TAFA4: variants seen among roughly 807,000 people sequenced by gnomAD.
TAFA4 encodes the protein chemokine-like protein TAFA-4.
A neutral mutation model predicts 21.1 loss-of-function variants in TAFA4; 20 were observed. The observed-to-expected ratio is 0.95, with a 90% CI of 0.67 to 1.38. TAFA4 has a LOEUF of 1.38. Ranked by LOEUF, TAFA4 falls within the 40% of genes most tolerant of loss-of-function variation. The probability of loss-of-function intolerance (pLI) is 0.00; values close to 1 mark genes in which losing one functional copy is unlikely to be tolerated. For missense variants in TAFA4, 211 were observed against 180.9 expected, an observed-to-expected ratio of 1.17 and a Z score of -0.95; for synonymous variants, 71 against 67.4, an observed-to-expected ratio of 1.05 and a Z score of -0.26.
intron 3 of TAFA4, among the ~76,000 whole-genome samples, chr3:68,812,597 A>G (rs913948972): frequency 7.2e-5 from 11 of 152,208 alleles, no homozygotes; most frequent in Non-Finnish European, 1.2e-4. Context: ...CATAATGGTA[A>G]AGGGATCAAT....
chr3:68,733,991 G>A (rs1326082103), intron 5 of TAFA4, among the ~76,000 whole-genome samples: 2 of 151,864 alleles, frequency 1.3e-5, no homozygotes, highest in African/African-American at 2.4e-5. Context: ...TCTAGTGCAG[G>A]GACTGGAAAA....
At position 68,736,262 on chromosome 3, in the gene TAFA4, GA is replaced by G. The variant is rs546124508; in HGVS notation, c.411+2812del. On this transcript the variant is annotated intron_variant, in intron 5 of 5. Coordinates refer to ENST00000295569, the MANE Select transcript of TAFA4 (RefSeq NM_182522.5). ...GCAGCAAAACCCAGATTTCAATTAA[GA>G]AAAAAAAAAATTAAGGCAGGTCCAC... is the stretch of plus-strand genomic sequence containing the variant. 1.9e-3 allele frequency among the ~76,000 whole-genome samples: 278 copies of G among 144,656 alleles called. 1 individual carries two copies. Among genetic ancestry groups the G allele is most frequent in the Middle Eastern group, 3.6e-3 (1 of 278 alleles). 94.9% of individuals were successfully genotyped at this position (144,656 alleles called of 152,430 possible). A position where few individuals can be genotyped will look rare whatever the true frequency, so the allele number is the denominator to read the frequency against.
chr3:68,819,497 G>T (rs1319091556), intron 3 of TAFA4, among the ~76,000 whole-genome samples: 1 of 151,992 alleles, frequency 6.6e-6, no homozygotes, highest in Admixed American at 6.6e-5. Context: ...TGTCATCTAT[G>T]GCCTCTATTG....
intron 1 of TAFA4, among the ~76,000 whole-genome samples, chr3:68,927,835 T>C (rs1402542278): frequency 6.6e-6 from 1 of 151,824 alleles, no homozygotes; most frequent in Non-Finnish European, 1.5e-5. Flanking sequence ...GAGGTCAAGT[T>C]TGCAGAGAGC....
chr3:68,834,588 C>T (rs1704478283), intron 3 of TAFA4, among the ~76,000 whole-genome samples: 1 of 152,086 alleles, frequency 6.6e-6, no homozygotes, highest in African/African-American at 2.4e-5. Flanking sequence ...TGCATTTCAA[C>T]CCAACATATC....
At chr3:68,743,946 T>C (rs1575592054) in intron 4 of TAFA4, among the ~76,000 whole-genome samples, 1 of 152,208 alleles carries the variant, frequency 6.6e-6, no homozygotes, top group Non-Finnish European at 1.5e-5. Flanking sequence ...ATACCACAGA[T>C]TGGTTCCAAG....
chr3:68,866,725 C>T (rs574069657), intron 3 of TAFA4, among the ~76,000 whole-genome samples: 1 of 71,640 alleles, frequency 1.4e-5, no homozygotes, highest in Non-Finnish European at 2.9e-5. Context: ...ATCAGATGAA[C>T]AACAACAACA....
chr3:68,737,031 C>A (rs1231684178), intron 5 of TAFA4, among the ~76,000 whole-genome samples: 1 of 152,170 alleles, frequency 6.6e-6, no homozygotes, highest in African/African-American at 2.4e-5. Flanking sequence ...AGGTTTGCTT[C>A]CTGCAAATGC....
At chr3:68,854,111 G>A (rs191558188) in intron 3 of TAFA4, among the ~76,000 whole-genome samples, 268 of 152,084 alleles carry the variant, frequency 1.8e-3, no homozygotes, top group African/African-American at 5.7e-3. Context: ...CAGGAGTATG[G>A]GAGAGTGACT....
chr3:68,848,017 A>G (rs1240005988), intron 3 of TAFA4, among the ~76,000 whole-genome samples: 1 of 152,256 alleles, frequency 6.6e-6, no homozygotes, highest in African/African-American at 2.4e-5. Flanking sequence ...TCACTTTTGT[A>G]GCATTTACTA....
chr3:68,920,574 T>C (rs530051650), intron 1 of TAFA4, among the ~76,000 whole-genome samples: 1 of 152,002 alleles, frequency 6.6e-6, no homozygotes, highest in South Asian at 2.1e-4. Context: ...CTTCATAGTA[T>C]CTGAGAAGGG....
Position 68,802,052 on chromosome 3 carries a change from A to T in TAFA4, c.131-49034T>A, listed in dbSNP as rs550771135. Among the ~76,000 whole-genome samples the T allele has an allele frequency of 1.8e-4, 28 of 152,284 alleles. 1 individual carries two copies. In the South Asian group the frequency reaches 5.6e-3, roughly 30 times the overall value. On this transcript the variant is annotated intron_variant, in intron 3 of 5. Coordinates refer to ENST00000295569, the MANE Select transcript of TAFA4 (RefSeq NM_182522.5). ...AAATGCAGCAAAGCAATATTAATAC[A>T]CATCTATGTTCACAAAGTTTTTCAA...
At chr3:68,754,094 T>G (rs537984099) in intron 3 of TAFA4, among the ~76,000 whole-genome samples, 4 of 152,218 alleles carry the variant, frequency 2.6e-5, no homozygotes, top group Non-Finnish European at 5.9e-5. Flanking sequence ...TCTAAGCCAT[T>G]TGAGAGTAAA....
chr3:68,757,001 G>T (rs1702671566), intron 3 of TAFA4, among the ~76,000 whole-genome samples: 1 of 152,142 alleles, frequency 6.6e-6, no homozygotes, highest in African/African-American at 2.4e-5. Context: ...CTAATGACTA[G>T]CCATGAGCAG....
At chr3:68,810,546 G>T (rs1426192918) in intron 3 of TAFA4, among the ~76,000 whole-genome samples, 1 of 152,176 alleles carries the variant, frequency 6.6e-6, no homozygotes, top group East Asian at 1.9e-4. Flanking sequence ...GGCTCTGAGG[G>T]TCCTATGCCC....
At chr3:68,891,467 A>C (rs942542089) in intron 1 of TAFA4, among the ~76,000 whole-genome samples, 1 of 152,144 alleles carries the variant, frequency 6.6e-6, no homozygotes, top group South Asian at 2.1e-4. Context: ...CCATCAGTTC[A>C]TCTCTGACCT....
At position 68,875,365 on chromosome 3, in the gene TAFA4, G is replaced by T. The variant is rs530913634; in HGVS notation, c.130+5365C>A. Among the ~76,000 whole-genome samples, 4 of 152,124 alleles carry T rather than the reference G, an allele frequency of 2.6e-5. No individual in the cohort carries two copies. In the East Asian group the frequency reaches 7.7e-4, roughly 29 times the overall value. ...GGTTCAGATGGAATCTCGCTGCAGT[G>T]GGCCCTCTGTGTTTTTCGTGCAAAA... is the stretch of plus-strand genomic sequence containing the variant. On this transcript the variant is annotated intron_variant, in intron 3 of 5. Transcript: ENST00000295569.
Position 68,731,919 on chromosome 3 carries a change from T to C in TAFA4, c.*1223A>G, listed in dbSNP as rs917412767. The C allele has an allele frequency of 3.3e-5, 5 of 152,000 alleles. No individual in the cohort carries two copies. Among genetic ancestry groups the C allele is most frequent in the Admixed American group, 1.3e-4 (2 of 15,232 alleles). 9.4% of individuals were successfully genotyped at this position (152,000 alleles called of 1,614,324 possible). ...ATAAACAACATTAAAGTATTTATTT[T>C]CCCCCTATAAATGTGAAAGGACAGG... On this transcript the variant is annotated 3_prime_UTR_variant, in exon 6 of 6. Coordinates refer to ENST00000295569, the MANE Select transcript of TAFA4 (RefSeq NM_182522.5).
At chr3:68,832,831 G>C (rs1704432101) in intron 3 of TAFA4, among the ~76,000 whole-genome samples, 1 of 152,262 alleles carries the variant, frequency 6.6e-6, no homozygotes, top group Admixed American at 6.5e-5. Context: ...CTGAGCTGCA[G>C]TGGGCTCTGC....
Sources: allele counts gnomAD v4.1 joint callset (sites outside exome capture counted in the v4.1 genomes callset), GRCh38; gene constraint gnomAD v4.1.1; transcripts MANE v1.5; gene names NCBI Gene and HGNC (gene_info 2026-07-23, HGNC 2026-07-21).